The following MTRR variants were observed in gnomAD, a reference collection of about 807,000 sequenced individuals.
MTRR encodes methionine synthase reductase.
In MTRR, 63 loss-of-function variants were observed where a neutral mutation model predicts 79.2. The ratio of observed to expected loss-of-function variants is 0.80; its 90% CI spans 0.65 to 0.98. MTRR has a LOEUF of 0.98. Among genes scored for constraint, MTRR ranks in the 50% least tolerant of loss-of-function variants. MTRR has a pLI of 0.00. For missense variants in MTRR, 895 were observed against 839.6 expected (o/e 1.07, Z -0.82); for synonymous variants, 355 against 313.3 (o/e 1.13, Z -1.41).
In MTRR at chr5:7,897,423, G is replaced by A. The variant is rs41283147; in HGVS notation, c.1952+176G>A. On this transcript the variant is annotated intron_variant, in intron 14 of 14. Transcript: ENST00000440940. The stretch of plus-strand genomic sequence containing the variant: ...ATTTTGACATATTTAATAGCCCAGA[G>A]GTTGTTATTATCAGGGAAATAGTGG... Among the ~76,000 whole-genome samples, 2,548 of 152,254 alleles carry A rather than the reference G, an allele frequency of 0.017. 33 individuals are homozygous for A. Among genetic ancestry groups the A allele is most frequent in the Non-Finnish European group, 0.025 (1,718 of 68,006 alleles).
In MTRR at chr5:7,893,024, T is replaced by A. The variant is rs575789912; in HGVS notation, c.1557+111T>A. The A allele has an allele frequency of 7.8e-6, 10 of 1,275,246 alleles. No homozygotes were observed. The South Asian group carries it at 1.3e-4, about 17-fold the overall frequency. The allele number at this position is 1,275,246 out of a possible 1,614,324, so 79.0% of individuals were successfully genotyped here. ...TTCATTACTGTCATAAGAAAATTTA[T>A]GCTGTTCTTGAATTTTAAAATCTCT... On this transcript the variant is annotated intron_variant, in intron 11 of 14. Transcript: ENST00000440940.
rs780543835 is a variant in MTRR, at chr5:7,889,080, G to T, written c.1147-15G>T. On this transcript the variant is annotated splice_polypyrimidine_tract_variant and intron_variant, in intron 8 of 14. Coordinates refer to ENST00000440940, the MANE Select transcript of MTRR (RefSeq NM_002454.3). ...ACAAATTGTGTCACAATTTAAGGCG[G>T]GCTCCTTTTTGTAGGCATTTTTGCG... 5 of 1,613,832 alleles carry T rather than the reference G, an allele frequency of 3.1e-6. No homozygotes were observed. In the African/African-American group the frequency reaches 6.7e-5, roughly 22 times the overall value.
chr5:7,868,135 G>A, upstream of MTRR: 1 of 1,139,288 alleles, frequency 8.8e-7, no homozygotes, highest in South Asian at 1.5e-5. Flanking sequence ...AAAACACATG[G>A]TTAAATACAT....
chr5:7,861,245 A>G, intron 1 of MTRR: 1 of 1,605,720 alleles, frequency 6.2e-7, no homozygotes. Flanking sequence ...TTTTTGGACC[A>G]TCAATACACA....
intron 1 of MTRR, among the ~76,000 whole-genome samples, chr5:7,854,590 A>C (rs1296589701): frequency 6.6e-6 from 1 of 152,094 alleles, no homozygotes; most frequent in Non-Finnish European, 1.5e-5. Flanking sequence ...GAAGATGCAA[A>C]AGCGGAAACC....
At chr5:7,877,815 C>T (rs183032141) in intron 4 of MTRR, 129 bp from the exon 5 acceptor site, 183 of 1,250,840 alleles carry the variant, frequency 1.5e-4, no homozygotes, top group Non-Finnish European at 1.9e-4. Context: ...TTTTGTATTC[C>T]GAATGGTCTT....
intron 3 of MTRR, among the ~76,000 whole-genome samples, chr5:7,874,451 T>G (rs1748520536): frequency 6.6e-6 from 1 of 152,164 alleles, no homozygotes; most frequent in Non-Finnish European, 1.5e-5. Context: ...CATACTTGTT[T>G]GAAAATCCAG....
intron 1 of MTRR, chr5:7,861,335 G>T: frequency 2.3e-6 from 2 of 874,114 alleles, no homozygotes; most frequent in Non-Finnish European, 3.3e-6. Flanking sequence ...TATTTTAGTT[G>T]CCAAAGTTTA....
chr5:7,859,172 C>G (rs547875821), intron 1 of MTRR: 1 of 226,086 alleles, frequency 4.4e-6, no homozygotes, highest in East Asian at 8.8e-5. Context: ...TTAAAAATAA[C>G]ATTTATTCAT....
intron 1 of MTRR, chr5:7,870,255 T>C (rs549787266): frequency 1.5e-5 from 3 of 197,638 alleles, no homozygotes; most frequent in African/African-American, 2.4e-5. Context: ...TTAGTTTGTT[T>C]AGCGTTAGGA....
intron 8 of MTRR, among the ~76,000 whole-genome samples, chr5:7,887,793 C>CATATATACATATATAT (rs1491410388): frequency 0.014 from 1,246 of 91,924 alleles, 132 homozygotes; most frequent in African/African-American, 0.042. Flanking sequence ...TGTGTGTGTG[C>CATATATACATATATAT]ATATATATAT....
intron 11 of MTRR, among the ~76,000 whole-genome samples, chr5:7,895,163 G>A (rs1386184212): frequency 6.6e-6 from 1 of 152,154 alleles, no homozygotes; most frequent in East Asian, 1.9e-4. Flanking sequence ...GATTGATTCA[G>A]AAATATCTTT....
In MTRR at chr5:7,900,368, G is replaced by T. The variant is rs1164490844; in HGVS notation, c.*310G>T. On this transcript the variant is annotated 3_prime_UTR_variant, in exon 15 of 15. Transcript: ENST00000440940. ...TTTACTTCCCAGAGAACTTCACAGA[G>T]ACTCTGTCCTTCCATGCAAAGGCTT... 2 of 328,884 alleles carry T rather than the reference G, an allele frequency of 6.1e-6. No individual in the cohort carries two copies. The highest frequency in any genetic ancestry group is 1.1e-5 in the Non-Finnish European group (2 of 176,486). The allele number at this position is 328,884 out of a possible 1,614,324, so 20.4% of individuals were successfully genotyped here.
At chr5:7,873,653 T>C (rs953215544) in intron 3 of MTRR, 127 bp downstream of exon 3, 10 of 1,070,658 alleles carry the variant, frequency 9.3e-6, no homozygotes, top group Admixed American at 4.1e-5. Context: ...ATTATGTATA[T>C]GTATATATAA....
Position 7,885,903 on chromosome 5 carries a change from G to A in MTRR, c.1057+49G>A, listed in dbSNP as rs541617878. On this transcript the variant is annotated intron_variant, in intron 7 of 14. Transcript: ENST00000440940. ...TTGGGGTGTTGTGGGCCAGTGGACT[G>A]GAGCTGATGGTGAGAGTGTGGCTCT... 20 of 1,611,598 alleles carry A rather than the reference G, an allele frequency of 1.2e-5. No individual in the cohort carries two copies. In the East Asian group the frequency reaches 4.0e-4, roughly 32 times the overall value.
chr5:7,889,312 T>C (rs1737157394), intron 9 of MTRR, 37 bp downstream of exon 9: 2 of 1,611,212 alleles, frequency 1.2e-6, no homozygotes, highest in Admixed American at 3.3e-5. Context: ...TGGTGGCTGT[T>C]CGTGCACTGG....
chr5:7,875,253 T>G lies in MTRR; in HGVS notation c.284-5T>G, dbSNP rs991640684. 21 of 1,591,540 alleles carry G rather than the reference T, an allele frequency of 1.3e-5. No homozygotes were observed. The highest frequency in any genetic ancestry group is 1.8e-5 in the Non-Finnish European group (21 of 1,159,548). ...GTGCATTAATTATGTATTTGGGTTC[T>G]CTAGGTCTCGGTGATTCAGAATACA... On this transcript the variant is annotated splice_polypyrimidine_tract_variant and splice_region_variant and intron_variant, in intron 3 of 14. Transcript: ENST00000440940.
At chr5:7,860,998 G>A (rs539921394) in intron 1 of MTRR, 27 of 501,840 alleles carry the variant, frequency 5.4e-5, no homozygotes, top group East Asian at 3.6e-4. Context: ...AAGCCATTTC[G>A]AGTTTTGTGC....
intron 5 of MTRR, among the ~76,000 whole-genome samples, chr5:7,881,329 G>T (rs533337489): frequency 6.6e-6 from 1 of 151,916 alleles, no homozygotes; most frequent in Non-Finnish European, 1.5e-5. Flanking sequence ...CGAGTGTGTC[G>T]CAACAACCCC....
Sources: gnomAD v4.1 joint callset for allele counts (sites outside exome capture counted in the v4.1 genomes callset) on GRCh38, gnomAD v4.1.1 for gene constraint, MANE v1.5 for transcripts, NCBI Gene and HGNC (gene_info 2026-07-23, HGNC 2026-07-21) for gene names.